PPP1R42: variants seen among roughly 807,000 people sequenced by gnomAD.
The protein encoded by PPP1R42 is leucine rich repeat containing 67.
Under a neutral mutation model 31.0 loss-of-function variants are expected in PPP1R42, and 34 were observed. That is an observed-to-expected ratio of 1.10 (90% CI 0.83 to 1.46). PPP1R42 has a LOEUF of 1.46. Among genes scored for constraint, PPP1R42 ranks in the 40% most tolerant of loss-of-function variants. The probability of loss-of-function intolerance (pLI) is 0.00; values close to 1 mark genes in which losing one functional copy is unlikely to be tolerated. For missense variants in PPP1R42, 268 were observed against 303.0 expected, an observed-to-expected ratio of 0.88 and a Z score of 0.86; for synonymous variants, 103 against 109.8, an observed-to-expected ratio of 0.94 and a Z score of 0.39.
intron 7 of PPP1R42, chr8:66,970,904 G>T: frequency 9.4e-7 from 1 of 1,067,036 alleles, no homozygotes; most frequent in Non-Finnish European, 1.4e-6. Flanking sequence ...GATGGCCTCT[G>T]TTCCTCTTTG....
rs567437082 is a variant in PPP1R42 at position 66,986,220 on chromosome 8, G to A, written c.670+2180C>T. On this transcript the variant is annotated intron_variant, in intron 6 of 7. Transcript: ENST00000685739. ...CTCCCAAATTGCTGGGATTACAGGC[G>A]TGAGCCACCGCGCCCTGCCTGACAT... 113 of 549,270 alleles carry A rather than the reference G, an allele frequency of 2.1e-4. 1 individual carries two copies. The highest frequency in any genetic ancestry group is 3.7e-4 in the Non-Finnish European group (109 of 290,812). 34.0% of individuals were successfully genotyped at this position (549,270 alleles called of 1,614,324 possible).
At chr8:67,000,751 C>T (rs1334987770) in intron 5 of PPP1R42, among the ~76,000 whole-genome samples, 2 of 152,184 alleles carry the variant, frequency 1.3e-5, no homozygotes, top group African/African-American at 4.8e-5. Context: ...AGCCACTGCA[C>T]CCAGCTCTAA....
intron 7 of PPP1R42, among the ~76,000 whole-genome samples, chr8:66,965,490 G>T (rs1463845329): frequency 1.3e-5 from 2 of 149,408 alleles, no homozygotes; most frequent in African/African-American, 4.9e-5. Flanking sequence ...AGGCTGGAGT[G>T]CAGTGGTGTG....
At chr8:67,006,665 G>A (rs530879013) in intron 5 of PPP1R42, among the ~76,000 whole-genome samples, 5 of 151,212 alleles carry the variant, frequency 3.3e-5, no homozygotes, top group African/African-American at 4.9e-5. Flanking sequence ...CACCATACCC[G>A]GCCTTGCTTA....
chr8:66,977,918 G>A (rs114628550), intron 7 of PPP1R42, among the ~76,000 whole-genome samples: 1,671 of 152,252 alleles, frequency 0.011, 29 homozygotes, highest in African/African-American at 0.038. Flanking sequence ...AAAAGCACTG[G>A]GATTACAGTT....
At chr8:66,977,057 G>C (rs577455911) in intron 7 of PPP1R42, among the ~76,000 whole-genome samples, 1 of 145,816 alleles carries the variant, frequency 6.9e-6, no homozygotes. Context: ...TTTTTTAGAC[G>C]TAGTCTTGCT....
Position 66,998,544 on chromosome 8 carries a change from AT to A in PPP1R42, c.553-10028del, listed in dbSNP as rs546133207. On this transcript the variant is annotated intron_variant, in intron 5 of 7. Coordinates refer to ENST00000685739, the MANE Select transcript of PPP1R42 (RefSeq NM_001364910.1). The stretch of plus-strand genomic sequence containing the variant: ...CTTTTCAAGCAATGTCATTTGTTTC[AT>A]TTTTTGGCCTTATTGCACTGGCTAA... Among the ~76,000 whole-genome samples the A allele has an allele frequency of 3.3e-5, 5 of 152,252 alleles. No homozygotes were observed. The East Asian group carries it at 9.6e-4, about 29-fold the overall frequency.
chr8:67,007,546 C>T (rs568142886), intron 5 of PPP1R42, among the ~76,000 whole-genome samples: 1 of 152,070 alleles, frequency 6.6e-6, no homozygotes, highest in Non-Finnish European at 1.5e-5. Flanking sequence ...AAGGTTTCGC[C>T]ACGTCAGCCA....
chr8:66,984,867 CCTT>C (rs755596781), intron 6 of PPP1R42: 257 of 1,583,158 alleles, frequency 1.6e-4, no homozygotes, highest in Non-Finnish European at 2.1e-4. Flanking sequence ...GTGCTTCCCT[CCTT>C]GTCTGTCTCT....
In PPP1R42 at chr8:66,984,778, C is replaced by T. The variant is rs537374362; in HGVS notation, c.671-2598G>A. On this transcript the variant is annotated intron_variant, in intron 6 of 7. Transcript: ENST00000685739. Reference sequence around the variant, plus strand: ...TTGAACAGCTTCTGTTCCTAATACTCGCATCAAATTAGAAATTCTCACTTT... The same window carrying T: ...TTGAACAGCTTCTGTTCCTAATACTTGCATCAAATTAGAAATTCTCACTTT... The T allele has an allele frequency of 1.1e-5, 18 of 1,608,646 alleles. No individual in the cohort carries two copies. The East Asian group carries it at 2.5e-4, about 22-fold the overall frequency.
At chr8:66,985,582 C>A in intron 6 of PPP1R42, 1 of 1,358,162 alleles carries the variant, frequency 7.4e-7, no homozygotes, top group South Asian at 1.2e-5. Flanking sequence ...CAGTGCCAGC[C>A]CGGCTTGGAT....
chr8:66,990,308 T>C (rs1004174571), intron 5 of PPP1R42, among the ~76,000 whole-genome samples: 1 of 152,154 alleles, frequency 6.6e-6, no homozygotes, highest in Admixed American at 6.5e-5. Context: ...TTAATATAGA[T>C]AAAGAGTGCT....
chr8:66,989,080 C>T (rs1563420018), intron 5 of PPP1R42, among the ~76,000 whole-genome samples: 1 of 152,148 alleles, frequency 6.6e-6, no homozygotes, highest in East Asian at 1.9e-4. Flanking sequence ...TCCTTCTAAT[C>T]TTTTTGAGCA....
At chr8:66,988,272 G>C in intron 6 of PPP1R42, 128 bp downstream of exon 6, 1 of 1,260,620 alleles carries the variant, frequency 7.9e-7, no homozygotes, top group Non-Finnish European at 9.9e-7. Context: ...TCAAAATATT[G>C]AATTTAAAGT....
At chr8:66,981,480 A>G (rs1376165162) in intron 7 of PPP1R42, among the ~76,000 whole-genome samples, 1 of 151,264 alleles carries the variant, frequency 6.6e-6, no homozygotes, top group Non-Finnish European at 1.5e-5. Context: ...CCTGGGTTCA[A>G]GCGATTCTCC....
intron 2 of PPP1R42, among the ~76,000 whole-genome samples, chr8:67,015,622 AG>A (rs1815993678): frequency 1.3e-5 from 2 of 148,488 alleles, no homozygotes; most frequent in Non-Finnish European, 3.0e-5. Flanking sequence ...TTTTTGAAAC[AG>A]GGTCTGCCCA....
chr8:66,970,248 A>G (rs1563412000), intron 7 of PPP1R42, among the ~76,000 whole-genome samples: 1 of 151,948 alleles, frequency 6.6e-6, no homozygotes. Context: ...CTCCCACTTC[A>G]GCCTCCAAAG....
chr8:67,020,481 G>A (rs968850005), intron 1 of PPP1R42, among the ~76,000 whole-genome samples: 2 of 152,266 alleles, frequency 1.3e-5, no homozygotes, highest in Non-Finnish European at 2.9e-5. Context: ...GAGTACAGGC[G>A]TGAGCCACTG....
Position 66,977,364 on chromosome 8 carries a change from G to A in PPP1R42, c.802+4685C>T, listed in dbSNP as rs375871281. ...TTTTTTTTTTTTTTTAAGAGACAGG[G>A]TCTTGCTCTGTTGTCCAGGCAGGAG... On this transcript the variant is annotated intron_variant, in intron 7 of 7. Coordinates refer to ENST00000685739, the MANE Select transcript of PPP1R42 (RefSeq NM_001364910.1). 1.8e-3 allele frequency among the ~76,000 whole-genome samples: 271 copies of A among 149,444 alleles called. 2 individuals are homozygous for A. Among genetic ancestry groups the A allele is most frequent in the African/African-American group, 6.4e-3 (259 of 40,612 alleles).
Sources: allele counts gnomAD v4.1 joint callset (sites outside exome capture counted in the v4.1 genomes callset), GRCh38; gene constraint gnomAD v4.1.1; transcripts MANE v1.5; gene names NCBI Gene and HGNC (gene_info 2026-07-23, HGNC 2026-07-21).